The following LARP4 variants were observed in gnomAD, a reference collection of about 807,000 sequenced individuals.
LARP4 encodes the protein La ribonucleoprotein 4, also known as la-related protein 4.
In LARP4, 29 loss-of-function variants were observed where a neutral mutation model predicts 92.9. The ratio of observed to expected loss-of-function variants is 0.31; its 90% CI spans 0.23 to 0.43. The LOEUF is 0.43. Ranked by LOEUF, LARP4 falls within the 20% of genes least tolerant of loss-of-function variation. LARP4 has a pLI of 1.00. For missense variants in LARP4, 732 were observed against 860.0 expected (o/e 0.85, Z 1.86); for synonymous variants, 279 against 284.1 (o/e 0.98, Z 0.18).
At position 50,465,780 on chromosome 12, in the gene LARP4, C is replaced by A. The variant is rs554554151; in HGVS notation, c.1384-1179C>A. On this transcript the variant is annotated intron_variant, in intron 12 of 15. Coordinates refer to ENST00000398473, the MANE Select transcript of LARP4 (RefSeq NM_052879.5). ...AGGCCTAGGCTGAAAATATTTAAAA[C>A]CTACAATTCAATGATATTTTTGTAA... 2.6e-5 allele frequency among the ~76,000 whole-genome samples: 4 copies of A among 152,226 alleles called. No homozygotes were observed. In the East Asian group the frequency reaches 5.8e-4, roughly 22 times the overall value.
intron 10 of LARP4, among the ~76,000 whole-genome samples, chr12:50,455,757 T>C (rs1954112491): frequency 6.6e-6 from 1 of 152,286 alleles, no homozygotes; most frequent in Admixed American, 6.5e-5. Flanking sequence ...GTTAAAGCAA[T>C]TGAAGATCAT....
At chr12:50,440,708 C>T (rs1264282926) in intron 7 of LARP4, among the ~76,000 whole-genome samples, 159 bp downstream of exon 7, 1 of 152,138 alleles carries the variant, frequency 6.6e-6, no homozygotes, top group Non-Finnish European at 1.5e-5. Flanking sequence ...CCTTTTTGAT[C>T]ATCTTCCTAA....
chr12:50,469,601 C>CAAAAAAAA (rs757844912), intron 13 of LARP4, among the ~76,000 whole-genome samples: 11 of 65,530 alleles, frequency 1.7e-4, no homozygotes, highest in African/African-American at 2.9e-4. Context: ...GAGACTCTAT[C>CAAAAAAAA]AAAAAAAAAA....
intron 8 of LARP4, among the ~76,000 whole-genome samples, chr12:50,450,815 T>C (rs1953057617): frequency 6.6e-6 from 1 of 152,164 alleles, no homozygotes; most frequent in African/African-American, 2.4e-5. Flanking sequence ...TGTCTCCTGT[T>C]AATTTTTTTT....
rs71083569 is a variant in LARP4, at chr12:50,435,481, T to TATTCC, written c.399-7_399-6insATTCC. ...GCTTGTTTTATAGGACTATTTTGTT[T>TATTCC]TTTCAGAGAAAATTTGTCAAAGGAT... On this transcript the variant is annotated splice_polypyrimidine_tract_variant and splice_region_variant and intron_variant, in intron 4 of 15. Transcript: ENST00000398473. 6.6e-6 allele frequency: 9 copies of TATTCC among 1,370,380 alleles called. No individual in the cohort carries two copies. Among genetic ancestry groups the TATTCC allele is most frequent in the Non-Finnish European group, 7.8e-6 (8 of 1,025,388 alleles). 84.9% of individuals were successfully genotyped at this position (1,370,380 alleles called of 1,614,324 possible).
intron 8 of LARP4, among the ~76,000 whole-genome samples, chr12:50,452,195 T>C (rs936725084): frequency 6.6e-6 from 1 of 152,084 alleles, no homozygotes; most frequent in African/African-American, 2.4e-5. Flanking sequence ...TACATAGGGT[T>C]GTTGGATCAT....
At chr12:50,424,378 G>A (rs1185587121) in intron 1 of LARP4, among the ~76,000 whole-genome samples, 1 of 148,288 alleles carries the variant, frequency 6.7e-6, no homozygotes, top group Admixed American at 6.7e-5. Flanking sequence ...TTTTTTTTGA[G>A]ACAGAGTTTC....
intron 1 of LARP4, among the ~76,000 whole-genome samples, chr12:50,406,487 T>A (rs1032657905): frequency 6.6e-6 from 1 of 151,960 alleles, no homozygotes; most frequent in Non-Finnish European, 1.5e-5. Context: ...CCTCAAAAAA[T>A]TTTTTTAAAT....
chr12:50,429,151 G>A, intron 3 of LARP4, 61 bp downstream of exon 3: 2 of 1,211,334 alleles, frequency 1.7e-6, no homozygotes, highest in Non-Finnish European at 1.2e-6. Flanking sequence ...CCCACCCATG[G>A]TCTCTTTATA....
chr12:50,411,652 C>A (rs918391940), intron 1 of LARP4, among the ~76,000 whole-genome samples: 1 of 151,088 alleles, frequency 6.6e-6, no homozygotes, highest in Admixed American at 6.6e-5. Context: ...TGTAATCTGG[C>A]GGCTATTTTC....
At chr12:50,468,087 C>T (rs1056447783) in intron 13 of LARP4, among the ~76,000 whole-genome samples, 7 of 151,636 alleles carry the variant, frequency 4.6e-5, no homozygotes, top group Admixed American at 1.3e-4. Context: ...TCAAGCAGTT[C>T]TCCTCCCTCA....
At chr12:50,468,215 C>G (rs1593433201) in intron 13 of LARP4, among the ~76,000 whole-genome samples, 1 of 151,964 alleles carries the variant, frequency 6.6e-6, no homozygotes, top group African/African-American at 2.4e-5. Context: ...CCTGACCTTG[C>G]GATCCGCCCA....
chr12:50,412,328 A>T (rs1011796210), intron 1 of LARP4: 1 of 401,284 alleles, frequency 2.5e-6, no homozygotes, highest in African/African-American at 2.2e-5. Context: ...AGTATTGGAG[A>T]TGTAAAAATT....
In LARP4 at chr12:50,462,562, C is replaced by CA; in HGVS notation, c.1335-19dup. Reference sequence around the variant, plus strand: ...TTGTCCCTCCACCCCACCCCACCCCCACCTTTTTCTTATTAAAAGGAGAAC... The same window carrying CA: ...TTGTCCCTCCACCCCACCCCACCCCCAACCTTTTTCTTATTAAAAGGAGAAC... On this transcript the variant is annotated intron_variant, in intron 11 of 15. Coordinates refer to ENST00000398473, the MANE Select transcript of LARP4 (RefSeq NM_052879.5). 6.9e-7 allele frequency: 1 copy of CA among 1,454,606 alleles called. No individual in the cohort carries two copies. The highest frequency in any genetic ancestry group is 9.5e-7 in the Non-Finnish European group (1 of 1,050,070). 90.1% of individuals were successfully genotyped at this position (1,454,606 alleles called of 1,614,324 possible).
At chr12:50,468,782 A>G (rs1253142350) in intron 13 of LARP4, among the ~76,000 whole-genome samples, 1 of 152,156 alleles carries the variant, frequency 6.6e-6, no homozygotes, top group African/African-American at 2.4e-5. Context: ...TTATTTTCAT[A>G]TCTCTAAGAA....
chr12:50,448,089 A>T (rs1047322422), intron 8 of LARP4, among the ~76,000 whole-genome samples: 4 of 152,042 alleles, frequency 2.6e-5, no homozygotes, highest in African/African-American at 9.7e-5. Flanking sequence ...TTGGTCTTGA[A>T]TTCCTGACCT....
At chr12:50,463,998 T>G (rs1312310745) in intron 12 of LARP4, among the ~76,000 whole-genome samples, 1 of 152,172 alleles carries the variant, frequency 6.6e-6, no homozygotes, top group East Asian at 1.9e-4. Flanking sequence ...AAAGCCAGTC[T>G]AGGAAGTTCG....
chr12:50,464,007 C>T (rs902211321), intron 12 of LARP4, among the ~76,000 whole-genome samples: 10 of 152,118 alleles, frequency 6.6e-5, no homozygotes, highest in Admixed American at 5.2e-4. Context: ...CTAGGAAGTT[C>T]GTCATCTCTA....
At chr12:50,453,696 A>T in intron 9 of LARP4, 24 bp downstream of exon 9, 1 of 1,385,382 alleles carries the variant, frequency 7.2e-7, no homozygotes, top group Non-Finnish European at 1.0e-6. Context: ...TTACAATAAA[A>T]TATAATAATA....
Sources: allele counts gnomAD v4.1 joint callset (sites outside exome capture counted in the v4.1 genomes callset), GRCh38; gene constraint gnomAD v4.1.1; transcripts MANE v1.5; gene names NCBI Gene and HGNC (gene_info 2026-07-23, HGNC 2026-07-21).